Variants in GHR observed in about 807,000 individuals in gnomAD.
GHR encodes GH receptor.
In GHR, 35 loss-of-function variants were observed where a neutral mutation model predicts 67.1. The ratio of observed to expected loss-of-function variants is 0.52; its 90% CI spans 0.40 to 0.69. The LOEUF (loss-of-function observed/expected upper bound fraction) is 0.69. Ranked by LOEUF, GHR falls within the 30% of genes least tolerant of loss-of-function variation. The pLI is 0.00. For missense variants in GHR, 792 were observed against 764.6 expected (o/e 1.04, Z -0.42); for synonymous variants, 272 against 269.1 (o/e 1.01, Z -0.10).
chr5:42,491,871 A>C (rs1352721670), intron 1 of GHR, among the ~76,000 whole-genome samples: 2 of 152,004 alleles, frequency 1.3e-5, no homozygotes, highest in Non-Finnish European at 2.9e-5. Flanking sequence ...CTGGCCAAGG[A>C]ATTAAGACAG....
intron 6 of GHR, among the ~76,000 whole-genome samples, chr5:42,706,476 C>T (rs1315030157): frequency 6.6e-6 from 1 of 152,048 alleles, no homozygotes; most frequent in African/African-American, 2.4e-5. Flanking sequence ...GGCCTATGTC[C>T]AGAATGGTAT....
intron 1 of GHR, among the ~76,000 whole-genome samples, chr5:42,457,306 C>T (rs1244858580): frequency 2.0e-5 from 3 of 152,100 alleles, no homozygotes; most frequent in Non-Finnish European, 2.9e-5. Context: ...TCTGTAGGAC[C>T]TCTTACCCAA....
intron 1 of GHR, among the ~76,000 whole-genome samples, chr5:42,485,850 T>C (rs1032234605): frequency 6.6e-6 from 1 of 152,230 alleles, no homozygotes; most frequent in African/African-American, 2.4e-5. Context: ...TAGCCTTTCA[T>C]TGATTTCTCA....
At chr5:42,645,366 C>G (rs988265752) in intron 3 of GHR, among the ~76,000 whole-genome samples, 1 of 152,134 alleles carries the variant, frequency 6.6e-6, no homozygotes, top group Non-Finnish European at 1.5e-5. Context: ...ATTGCTATGT[C>G]CCAATGGAGA....
chr5:42,531,980 A>T (rs1379891516), intron 1 of GHR, among the ~76,000 whole-genome samples: 3 of 151,356 alleles, frequency 2.0e-5, no homozygotes, highest in African/African-American at 7.3e-5. Context: ...TGAGAAAAAT[A>T]GCTTTTTTTT....
chr5:42,609,878 G>A (rs919860504), intron 2 of GHR, among the ~76,000 whole-genome samples: 2 of 152,166 alleles, frequency 1.3e-5, no homozygotes, highest in Non-Finnish European at 2.9e-5. Flanking sequence ...TCAAGAGGGT[G>A]AAATAATGGT....
At chr5:42,641,945 T>C (rs1309304078) in intron 3 of GHR, among the ~76,000 whole-genome samples, 2 of 152,054 alleles carry the variant, frequency 1.3e-5, no homozygotes, top group East Asian at 1.9e-4. Context: ...CAAAGAGATA[T>C]GCCTGGCTCC....
At chr5:42,623,485 T>C (rs1753557445) in intron 2 of GHR, among the ~76,000 whole-genome samples, 1 of 152,154 alleles carries the variant, frequency 6.6e-6, no homozygotes, top group African/African-American at 2.4e-5. Context: ...ACATCACAGC[T>C]CTTTACATGC....
chr5:42,509,357 T>C (rs1212104218), intron 1 of GHR, among the ~76,000 whole-genome samples: 2 of 152,216 alleles, frequency 1.3e-5, no homozygotes, highest in Non-Finnish European at 2.9e-5. Context: ...TGGACAACTA[T>C]GTGACAACTC....
At chr5:42,594,502 A>AT (rs1751961063) in intron 2 of GHR, among the ~76,000 whole-genome samples, 1 of 152,138 alleles carries the variant, frequency 6.6e-6, no homozygotes, top group South Asian at 2.1e-4. Context: ...ACTACATTGG[A>AT]TATATTATTA....
intron 3 of GHR, among the ~76,000 whole-genome samples, chr5:42,658,650 T>C (rs4631220): frequency 0.65 from 99,265 of 151,676 alleles, 33,906 homozygotes; most frequent in East Asian, 0.82. Context: ...GTGATTTTTT[T>C]CCCCCCAGGG....
intron 2 of GHR, among the ~76,000 whole-genome samples, chr5:42,601,433 C>A (rs1248993167): frequency 6.6e-6 from 1 of 151,892 alleles, no homozygotes; most frequent in African/African-American, 2.4e-5. Context: ...AGGACTGTTA[C>A]CCAGGTATTT....
chr5:42,522,710 A>G (rs560429947), intron 1 of GHR, among the ~76,000 whole-genome samples: 1 of 152,182 alleles, frequency 6.6e-6, no homozygotes, highest in African/African-American at 2.4e-5. Context: ...TGTTTGAGCA[A>G]CTTTTCTTAC....
At chr5:42,545,804 C>T (rs1350898060) in intron 1 of GHR, among the ~76,000 whole-genome samples, 2 of 152,118 alleles carry the variant, frequency 1.3e-5, no homozygotes, top group East Asian at 1.9e-4. Context: ...TTAGTATAAC[C>T]ATTATTTTGT....
At chr5:42,585,429 T>C (rs960177320) in intron 2 of GHR, among the ~76,000 whole-genome samples, 1 of 101,508 alleles carries the variant, frequency 9.9e-6, no homozygotes, top group African/African-American at 2.8e-5. Flanking sequence ...TTTTAGGATG[T>C]AGGGCATGTC....
At chr5:42,611,870 C>T (rs1752907885) in intron 2 of GHR, among the ~76,000 whole-genome samples, 1 of 152,120 alleles carries the variant, frequency 6.6e-6, no homozygotes, top group African/African-American at 2.4e-5. Context: ...ATTGGACTCT[C>T]AACCAATTTT....
At chr5:42,539,236 C>A (rs1245053858) in intron 1 of GHR, among the ~76,000 whole-genome samples, 4 of 152,028 alleles carry the variant, frequency 2.6e-5, no homozygotes, top group African/African-American at 9.7e-5. Flanking sequence ...ACTAGTATTA[C>A]TTTTGGGGGG....
chr5:42,578,459 G>C (rs1056862058), intron 2 of GHR, among the ~76,000 whole-genome samples: 5 of 152,144 alleles, frequency 3.3e-5, no homozygotes, highest in African/African-American at 1.2e-4. Flanking sequence ...AGGCTCAAAG[G>C]TTTGCCAGGT....
chr5:42,596,313 A>C (rs1752068834), intron 2 of GHR, among the ~76,000 whole-genome samples: 1 of 152,172 alleles, frequency 6.6e-6, no homozygotes, highest in African/African-American at 2.4e-5. Context: ...ATGGAAAAAA[A>C]AAAACAGGCA....
Sources: gnomAD v4.1 joint callset for allele counts (sites outside exome capture counted in the v4.1 genomes callset) on GRCh38, gnomAD v4.1.1 for gene constraint, MANE v1.5 for transcripts, NCBI Gene and HGNC (gene_info 2026-07-23, HGNC 2026-07-21) for gene names.